CHST11: variants seen among roughly 807,000 people sequenced by gnomAD.
CHST11 encodes C4S-1.
A neutral mutation model predicts 30.4 loss-of-function variants in CHST11; 9 were observed. That is an observed-to-expected ratio of 0.30 (90% confidence interval 0.18 to 0.52). The LOEUF (loss-of-function observed/expected upper bound fraction) is 0.52, where lower values mean the gene tolerates loss of function less well. Ranked by LOEUF, CHST11 falls within the 20% of genes least tolerant of loss-of-function variation. The probability of loss-of-function intolerance (pLI) is 0.97; values close to 1 mark genes in which losing one functional copy is unlikely to be tolerated. For synonymous variants in CHST11, 152 were observed against 187.8 expected, an observed-to-expected ratio of 0.81 and a Z score of 1.56; for missense variants, 348 against 460.6, an observed-to-expected ratio of 0.76 and a Z score of 2.24.
At chr12:104,683,289 G>C (rs1481352361) in intron 2 of CHST11, among the ~76,000 whole-genome samples, 1 of 152,152 alleles carries the variant, frequency 6.6e-6, no homozygotes, top group African/African-American at 2.4e-5. Flanking sequence ...CCCCAAAACA[G>C]AGAGAGAGGG....
intron 2 of CHST11, among the ~76,000 whole-genome samples, chr12:104,655,558 G>A (rs1367515857): frequency 6.6e-6 from 1 of 152,190 alleles, no homozygotes; most frequent in Non-Finnish European, 1.5e-5. Flanking sequence ...TGCTTTTCAT[G>A]GCCAGAGTTC....
rs56983056 is a variant in CHST11, at chr12:104,610,043, CTGTGTGTGTGTGTGTGTGTGTGTGTG to C, written c.204+8080_204+8105del. On this transcript the variant is annotated intron_variant, in intron 2 of 2. Coordinates refer to ENST00000303694, the MANE Select transcript of CHST11 (RefSeq NM_018413.6). ...CTGATTTATAAAGCCATGAGTGCCT[CTGTGTGTGTGTGTGTGTGTGTGTGTG>C]TGTGTGTGTGTGTGTGTGTGTGTGT... Among the ~76,000 whole-genome samples, 406 of 143,186 alleles carry C rather than the reference CTGTGTGTGTGTGTGTGTGTGTGTGTG, an allele frequency of 2.8e-3. 8 individuals are homozygous for C. In the East Asian group the frequency reaches 0.053, roughly 19 times the overall value. The allele number at this position is 143,186 out of a possible 152,430, so 93.9% of individuals were successfully genotyped here. A position where few individuals can be genotyped will look rare whatever the true frequency, so the allele number is the denominator to read the frequency against.
chr12:104,470,849 T>C (rs2037502297), intron 1 of CHST11, among the ~76,000 whole-genome samples: 1 of 152,224 alleles, frequency 6.6e-6, no homozygotes, highest in Non-Finnish European at 1.5e-5. Flanking sequence ...CTCACTAGTA[T>C]GCCCATCTCC....
chr12:104,525,145 G>A (rs11611979), intron 1 of CHST11, among the ~76,000 whole-genome samples: 82,570 of 148,966 alleles, frequency 0.55, 23,088 homozygotes, highest in Non-Finnish European at 0.58. Flanking sequence ...CAGTTACATA[G>A]GCTGGAATGC....
At chr12:104,652,352 G>A (rs1291723823) in intron 2 of CHST11, among the ~76,000 whole-genome samples, 3 of 152,212 alleles carry the variant, frequency 2.0e-5, no homozygotes, top group Admixed American at 1.3e-4. Flanking sequence ...CCGATGAGTT[G>A]AGCCCGTGGG....
At chr12:104,646,041 C>T (rs962404956) in intron 2 of CHST11, among the ~76,000 whole-genome samples, 1 of 152,246 alleles carries the variant, frequency 6.6e-6, no homozygotes, top group African/African-American at 2.4e-5. Context: ...CTGAGTCCCG[C>T]ATGCAGGATG....
At chr12:104,650,819 C>T (rs955168015) in intron 2 of CHST11, among the ~76,000 whole-genome samples, 3 of 152,208 alleles carry the variant, frequency 2.0e-5, no homozygotes, top group African/African-American at 7.2e-5. Context: ...CAGGTGCTTC[C>T]TCAGCCAGCA....
At chr12:104,569,206 T>G (rs2038599087) in intron 1 of CHST11, among the ~76,000 whole-genome samples, 1 of 152,132 alleles carries the variant, frequency 6.6e-6, no homozygotes, top group African/African-American at 2.4e-5. Flanking sequence ...GAAACAAAAT[T>G]TGACAAACCT....
At chr12:104,493,229 A>G (rs1035568731) in intron 1 of CHST11, among the ~76,000 whole-genome samples, 1 of 152,218 alleles carries the variant, frequency 6.6e-6, no homozygotes, top group Non-Finnish European at 1.5e-5. Context: ...GGCCTCAGCC[A>G]TTCACATTCA....
In CHST11 at chr12:104,458,181, G is replaced by A. The variant is rs1203604391; in HGVS notation, c.118+652G>A. On this transcript the variant is annotated intron_variant, in intron 1 of 2. Transcript: ENST00000303694. This position sits in a 1 kb window ranked among gnomAD's most constrained non-coding sequence, Gnocchi z 5.7. ...CACGCGCCGGCCGTTTGCCCCCGGGGTCCGGCTCCGCAGTGACCTTGCGGC... is the reference window on the plus strand; with the variant it reads ...CACGCGCCGGCCGTTTGCCCCCGGGATCCGGCTCCGCAGTGACCTTGCGGC... 2.6e-5 allele frequency among the ~76,000 whole-genome samples: 4 copies of A among 151,828 alleles called. No homozygotes were observed. Among genetic ancestry groups the A allele is most frequent in the African/African-American group, 9.7e-5 (4 of 41,208 alleles).
intron 2 of CHST11, among the ~76,000 whole-genome samples, chr12:104,701,518 T>G (rs1272351710): frequency 6.6e-6 from 1 of 151,942 alleles, no homozygotes. Context: ...TCTGAGAAGA[T>G]GGGGCGGGCT....
chr12:104,532,272 A>G (rs1032920558), intron 1 of CHST11, among the ~76,000 whole-genome samples: 1 of 152,052 alleles, frequency 6.6e-6, no homozygotes, highest in African/African-American at 2.4e-5. Context: ...TTTGACTGGC[A>G]AAGTTTCACT....
Position 104,459,444 on chromosome 12 carries a change from G to GCT in CHST11, c.118+1918_118+1919dup, listed in dbSNP as rs1446415822. On this transcript the variant is annotated intron_variant, in intron 1 of 2. Coordinates refer to ENST00000303694, the MANE Select transcript of CHST11 (RefSeq NM_018413.6). ...CGCTGGGACCGTGAATGCCAGTAATGCTCTGTACGAATGCCCAGAACACGG... is the reference window on the plus strand; with the variant it reads ...CGCTGGGACCGTGAATGCCAGTAATGCTCTCTGTACGAATGCCCAGAACACGG... Among the ~76,000 whole-genome samples the GCT allele has an allele frequency of 2.0e-5, 3 of 152,340 alleles. No individual in the cohort carries two copies. The East Asian group carries it at 5.8e-4, about 29-fold the overall frequency.
chr12:104,692,604 C>T (rs889406506), intron 2 of CHST11, among the ~76,000 whole-genome samples: 3 of 152,076 alleles, frequency 2.0e-5, no homozygotes, highest in South Asian at 2.1e-4. Context: ...CCCTAATGCC[C>T]CTGGCCACAG....
chr12:104,750,428 C>CTTCTTTTTTT (rs2040420449), intron 2 of CHST11, among the ~76,000 whole-genome samples: 1 of 48,828 alleles, frequency 2.0e-5, no homozygotes, highest in Non-Finnish European at 3.7e-5. Context: ...TATTTCTGCA[C>CTTCTTTTTTT]TTTTTTTTTT....
At position 104,505,407 on chromosome 12, in the gene CHST11, C is replaced by T. The variant is rs1026178559; in HGVS notation, c.118+47878C>T. Reference sequence around the variant, plus strand: ...GCTAAGCAACCCTATTCTAGACGAACGTTTCTCAGACTTAACTGCACTCAC... The same window carrying T: ...GCTAAGCAACCCTATTCTAGACGAATGTTTCTCAGACTTAACTGCACTCAC... On this transcript the variant is annotated intron_variant, in intron 1 of 2. Coordinates refer to ENST00000303694, the MANE Select transcript of CHST11 (RefSeq NM_018413.6). Among the ~76,000 whole-genome samples, 7 of 152,100 alleles carry T rather than the reference C, an allele frequency of 4.6e-5. 1 individual carries two copies. The South Asian group carries it at 1.2e-3, about 27-fold the overall frequency.
At chr12:104,587,504 C>G (rs2038816278) in intron 1 of CHST11, among the ~76,000 whole-genome samples, 1 of 152,134 alleles carries the variant, frequency 6.6e-6, no homozygotes, top group Non-Finnish European at 1.5e-5. Context: ...CTCAAGCTGT[C>G]CTCCCACTTC....
chr12:104,649,060 G>A (rs1205870619), intron 2 of CHST11, among the ~76,000 whole-genome samples: 2 of 152,122 alleles, frequency 1.3e-5, no homozygotes, highest in East Asian at 1.9e-4. Context: ...AGGTCAGCCA[G>A]CTGCCAGCAT....
chr12:104,566,294 A>G (rs1249329247), intron 1 of CHST11, among the ~76,000 whole-genome samples: 2 of 151,926 alleles, frequency 1.3e-5, no homozygotes, highest in Non-Finnish European at 2.9e-5. Flanking sequence ...CTCAAAGTCT[A>G]TTCCAGTCCT....
Sources: gnomAD v4.1 joint callset for allele counts (sites outside exome capture counted in the v4.1 genomes callset) on GRCh38, gnomAD v4.1.1 for gene constraint, Gnocchi (gnomAD v3.1) non-coding constraint, MANE v1.5 for transcripts, NCBI Gene and HGNC (gene_info 2026-07-23, HGNC 2026-07-21) for gene names.